Variants in GOLGB1 observed in about 807,000 individuals in gnomAD.
The protein encoded by GOLGB1 is golgin subfamily B member 1.
Under a neutral mutation model 336.9 loss-of-function variants are expected in GOLGB1, and 174 were observed. The observed-to-expected ratio is 0.52, with a 90% CI of 0.46 to 0.59. GOLGB1 has a LOEUF of 0.59. Among genes scored for constraint, GOLGB1 ranks in the 20% least tolerant of loss-of-function variants. The probability of loss-of-function intolerance (pLI) is 0.00; values close to 1 mark genes in which losing one functional copy is unlikely to be tolerated. For synonymous variants in GOLGB1, 1,208 were observed against 1,289.2 expected (o/e 0.94, Z 1.35); for missense variants, 3,331 against 3,645.3 (o/e 0.91, Z 2.22).
At chr3:121,748,246 T>C (rs530278271) in intron 1 of GOLGB1, among the ~76,000 whole-genome samples, 21 of 152,316 alleles carry the variant, frequency 1.4e-4, no homozygotes, top group Admixed American at 1.0e-3. Flanking sequence ...TGGACAAGGC[T>C]TTTTAAAAAC....
At chr3:121,731,370 T>G (rs1319028191) in intron 1 of GOLGB1, among the ~76,000 whole-genome samples, 1 of 147,896 alleles carries the variant, frequency 6.8e-6, no homozygotes, top group African/African-American at 2.4e-5. Context: ...TTCTTTTTCT[T>G]TTTTTTTTTT....
intron 15 of GOLGB1, among the ~76,000 whole-genome samples, chr3:121,679,195 G>A (rs1035072020): frequency 6.6e-6 from 1 of 152,096 alleles, no homozygotes; most frequent in African/African-American, 2.4e-5. Context: ...AAAACTTTTT[G>A]AGCACTGACA....
At chr3:121,684,273 C>CAAA (rs201975409) in intron 14 of GOLGB1, among the ~76,000 whole-genome samples, 9 of 88,174 alleles carry the variant, frequency 1.0e-4, no homozygotes, top group African/African-American at 2.1e-4. Context: ...AGAAATACAG[C>CAAA]AAAAAAAAAA....
chr3:121,667,782 A>T (rs985593905), intron 19 of GOLGB1, among the ~76,000 whole-genome samples, 172 bp from the exon 20 acceptor site: 5 of 152,258 alleles, frequency 3.3e-5, no homozygotes, highest in Admixed American at 6.5e-5. Flanking sequence ...TGCAGAAAAT[A>T]CCTAAAGAAA....
In GOLGB1 at chr3:121,690,161, G is replaced by A. The variant is rs139754862; in HGVS notation, c.8694+509C>T. ...ACTTATTTAAAGGAACTCTTTTTAC[G>A]TCACTTTTTTTTATTTTTGACAAAT... is the stretch of plus-strand genomic sequence containing the variant. On this transcript the variant is annotated intron_variant, in intron 14 of 21. Transcript: ENST00000614479. 1.4e-4 allele frequency among the ~76,000 whole-genome samples: 22 copies of A among 152,212 alleles called. No homozygotes were observed. In the East Asian group the frequency reaches 4.0e-3, roughly 28 times the overall value.
At chr3:121,683,955 C>T (rs1941404591) in intron 14 of GOLGB1, among the ~76,000 whole-genome samples, 1 of 151,498 alleles carries the variant, frequency 6.6e-6, no homozygotes, top group Non-Finnish European at 1.5e-5. Context: ...TGGTGAAACC[C>T]TGTCTCTGTT....
At chr3:121,685,448 T>C (rs1478373056) in intron 14 of GOLGB1, among the ~76,000 whole-genome samples, 1 of 151,954 alleles carries the variant, frequency 6.6e-6, no homozygotes, top group Non-Finnish European at 1.5e-5. Context: ...GGCAGAAGAA[T>C]CGCTTGAACC....
chr3:121,713,157 G>A (rs895398558), intron 10 of GOLGB1, among the ~76,000 whole-genome samples: 12 of 151,826 alleles, frequency 7.9e-5, no homozygotes, highest in Non-Finnish European at 1.0e-4. Flanking sequence ...CCAAGACTCC[G>A]TCTTGGAAAA....
chr3:121,718,573 C>A, intron 7 of GOLGB1, 72 bp from the exon 8 acceptor site: 2 of 1,093,980 alleles, frequency 1.8e-6, no homozygotes, highest in Admixed American at 1.8e-5. Flanking sequence ...TTCAAAATGT[C>A]ATGTAGATTT....
At position 121,696,937 on chromosome 3, in the gene GOLGB1, G is replaced by A. The variant is rs1942999765; in HGVS notation, c.3586C>T (p.Leu1196Phe). 6.2e-7 allele frequency: 1 copy of A among 1,613,976 alleles called. No individual in the cohort carries two copies. Among genetic ancestry groups the A allele is most frequent in the Non-Finnish European group, 8.5e-7 (1 of 1,179,976 alleles). ...CTTTCTTTCTCCTGTGCCTTTTTAA[G>A]AATTGCCTTGCGGGAGGTTAAGGCT... ...QEALTSRKAI[L>F]KKAQEKERHL... is the part of the protein sequence containing the mutation. Residue 1196 changes from leucine to phenylalanine, a missense_variant, in exon 13 of 22, where the codon CTT (leucine) becomes TTT (phenylalanine). Physicochemically the swap from Leu to Phe is conservative, Grantham distance 22 (BLOSUM62 0). Transcript: ENST00000614479.
At position 121,689,648 on chromosome 3, in the gene GOLGB1, TAA is replaced by T. The variant is rs60317103; in HGVS notation, c.8694+1020_8694+1021del. Among the ~76,000 whole-genome samples the T allele has an allele frequency of 6.0e-3, 837 of 138,458 alleles. 2 individuals are homozygous for T. Among genetic ancestry groups the T allele is most frequent in the Non-Finnish European group, 8.8e-3 (561 of 64,066 alleles). 90.8% of individuals were successfully genotyped at this position (138,458 alleles called of 152,430 possible). On this transcript the variant is annotated intron_variant, in intron 14 of 21. Transcript: ENST00000614479. ...TGAGAAACACCCAAGAATGATCAAT[TAA>T]AAAAAAAAAAAAAAAATTAGAATTT...
chr3:121,729,317 G>T lies in GOLGB1; in HGVS notation c.273C>A (p.Asn91Lys), dbSNP rs749461242. The stretch of plus-strand genomic sequence containing the variant: ...CATGAAGTTTTAGTTTTTTAATTTT[G>T]TTATCAGCAGCTTTTCTCTCTTCCT... ...ALQEERKAAD[N>K]KIKKLKLHAK... The change falls in exon 4 of 22, where the codon AAC becomes AAA. Residue 91 changes from asparagine to lysine, a missense_variant. Asn to Lys is a moderately conservative substitution (Grantham distance 94). Transcript: ENST00000614479. The T allele has an allele frequency of 6.2e-6, 10 of 1,612,102 alleles. No individual in the cohort carries two copies.
chr3:121,741,164 A>C (rs1946827054), intron 1 of GOLGB1, among the ~76,000 whole-genome samples: 1 of 152,216 alleles, frequency 6.6e-6, no homozygotes, highest in East Asian at 1.9e-4. Context: ...CGAGCAAGAA[A>C]ATTCATGAAA....
intron 14 of GOLGB1, among the ~76,000 whole-genome samples, chr3:121,682,876 A>G (rs1941237874): frequency 6.6e-6 from 1 of 152,160 alleles, no homozygotes; most frequent in Admixed American, 6.6e-5. Context: ...AGCAGAATCT[A>G]AAGCTGGTAG....
chr3:121,712,365 C>T (rs1944423858), intron 10 of GOLGB1, among the ~76,000 whole-genome samples: 1 of 151,186 alleles, frequency 6.6e-6, no homozygotes, highest in African/African-American at 2.4e-5. Context: ...TGGAAGAAAG[C>T]ATAAGAGAAT....
At chr3:121,681,599 T>G in intron 15 of GOLGB1, 88 bp downstream of exon 15, 1 of 897,972 alleles carries the variant, frequency 1.1e-6, no homozygotes, top group Non-Finnish European at 1.7e-6. Context: ...ACATAGAAGC[T>G]CTCTGCACTA....
At chr3:121,742,555 T>A (rs1377881494) in intron 1 of GOLGB1, among the ~76,000 whole-genome samples, 2 of 152,196 alleles carry the variant, frequency 1.3e-5, no homozygotes, top group African/African-American at 4.8e-5. Context: ...GACATAGGCA[T>A]GGGCAAAGAC....
chr3:121,710,128 T>C (rs1019999420), intron 10 of GOLGB1, among the ~76,000 whole-genome samples: 1 of 151,034 alleles, frequency 6.6e-6, no homozygotes, highest in Admixed American at 6.6e-5. Context: ...ATCTTATTAT[T>C]AGCCTTATAT....
chr3:121,689,006 G>C (rs1390217655), intron 14 of GOLGB1, among the ~76,000 whole-genome samples: 2 of 151,172 alleles, frequency 1.3e-5, no homozygotes, highest in African/African-American at 4.9e-5. Context: ...CCCCCTCCGG[G>C]AGGGAGGTGG....
Sources: allele counts gnomAD v4.1 joint callset (sites outside exome capture counted in the v4.1 genomes callset), GRCh38; gene constraint gnomAD v4.1.1; transcripts MANE v1.5; gene names NCBI Gene and HGNC (gene_info 2026-07-23, HGNC 2026-07-21).